The following TNFSF4 variants were observed in gnomAD, a reference collection of about 807,000 sequenced individuals.
The protein encoded by TNFSF4 is TNF superfamily member 4, also known as tumor necrosis factor ligand superfamily member 4.
In TNFSF4, 4 loss-of-function variants were observed where a neutral mutation model predicts 7.3. The observed-to-expected ratio is 0.55, with a 90% confidence interval of 0.27 to 1.25. The LOEUF is 1.25. Among genes scored for constraint, TNFSF4 ranks in the 50% most tolerant of loss-of-function variants. The pLI is 0.12. For synonymous variants in TNFSF4, 76 were observed against 83.7 expected (o/e 0.91, Z 0.50); for missense variants, 181 against 208.8 (o/e 0.87, Z 0.82).
chr1:173,235,598 G>A, the TNFSF4 span, among the ~76,000 whole-genome samples: 12 of 152,330 alleles, frequency 7.9e-5, no homozygotes, highest in East Asian at 1.5e-3. Context: ...CACATACTAC[G>A]CATGTGTTAA....
the TNFSF4 span, among the ~76,000 whole-genome samples, chr1:173,308,261 CTCTCTT>C: frequency 8.7e-6 from 1 of 115,534 alleles, no homozygotes; most frequent in Admixed American, 7.9e-5. Context: ...CCACTCCTCT[CTCTCTT>C]TCTCTCTCTC....
At chr1:173,176,404 T>G in the TNFSF4 span, among the ~76,000 whole-genome samples, 1 of 152,120 alleles carries the variant, frequency 6.6e-6, no homozygotes, top group South Asian at 2.1e-4. Flanking sequence ...GACTCTGAAA[T>G]CAAAACCGCA....
intron 1 of TNFSF4, among the ~76,000 whole-genome samples, chr1:173,193,616 T>C (rs1159942762): frequency 1.3e-5 from 2 of 152,170 alleles, no homozygotes; most frequent in Non-Finnish European, 2.9e-5. Flanking sequence ...AAGATTTTAA[T>C]ATTCCATTCC....
the TNFSF4 span, among the ~76,000 whole-genome samples, chr1:173,364,676 T>C: frequency 1.3e-5 from 2 of 152,068 alleles, no homozygotes; most frequent in East Asian, 1.9e-4. Context: ...AAACTAATTA[T>C]ATCACTTTAA....
the TNFSF4 span, among the ~76,000 whole-genome samples, chr1:173,426,985 C>T: frequency 1.9e-4 from 29 of 152,106 alleles, no homozygotes; most frequent in East Asian, 1.9e-4. Context: ...CAAAGAAAAA[C>T]GCCATGCAGG....
chr1:173,406,733 C>T, the TNFSF4 span, among the ~76,000 whole-genome samples: 1 of 152,140 alleles, frequency 6.6e-6, no homozygotes, highest in Non-Finnish European at 1.5e-5. Flanking sequence ...GATTGCCCTG[C>T]GACAGTCTCT....
the TNFSF4 span, among the ~76,000 whole-genome samples, chr1:173,422,033 C>A: frequency 6.6e-5 from 10 of 152,046 alleles, no homozygotes; most frequent in African/African-American, 2.4e-4. Context: ...ATGTTACAGT[C>A]CCACAGCTAT....
At chr1:173,444,428 A>G in the TNFSF4 span, among the ~76,000 whole-genome samples, 1 of 151,970 alleles carries the variant, frequency 6.6e-6, no homozygotes, top group Non-Finnish European at 1.5e-5. Flanking sequence ...AAAATGTTCT[A>G]ATATAAATTT....
chr1:173,334,865 C>A, the TNFSF4 span, among the ~76,000 whole-genome samples: 1 of 152,084 alleles, frequency 6.6e-6, no homozygotes, highest in Non-Finnish European at 1.5e-5. Flanking sequence ...AGACTTGTAA[C>A]TAGACTTAAA....
At chr1:173,433,932 T>C in the TNFSF4 span, among the ~76,000 whole-genome samples, 1 of 152,126 alleles carries the variant, frequency 6.6e-6, no homozygotes, top group African/African-American at 2.4e-5. Flanking sequence ...GGTGTCCTTA[T>C]AAGGGGGAAT....
At chr1:173,293,783 C>A in the TNFSF4 span, among the ~76,000 whole-genome samples, 2 of 151,936 alleles carry the variant, frequency 1.3e-5, no homozygotes, top group South Asian at 4.1e-4. Context: ...AAACAAATAA[C>A]CCTGTGAAAA....
chr1:173,204,861 T>A (rs1650108968), intron 1 of TNFSF4, among the ~76,000 whole-genome samples: 1 of 151,384 alleles, frequency 6.6e-6, no homozygotes, highest in African/African-American at 2.4e-5. Flanking sequence ...TCTCTCTCAA[T>A]CTCTCTGTCT....
the TNFSF4 span, among the ~76,000 whole-genome samples, chr1:173,383,800 C>G: frequency 6.6e-6 from 1 of 152,102 alleles, no homozygotes; most frequent in South Asian, 2.1e-4. Context: ...CAACCACTTC[C>G]CAGCTATGTT....
At chr1:173,220,668 T>A in the TNFSF4 span, among the ~76,000 whole-genome samples, 9 of 152,064 alleles carry the variant, frequency 5.9e-5, no homozygotes, top group Admixed American at 6.6e-5. Context: ...AGAAAGATGA[T>A]CCCTCTGCCA....
At chr1:173,313,906 C>T in the TNFSF4 span, among the ~76,000 whole-genome samples, 1 of 151,972 alleles carries the variant, frequency 6.6e-6, no homozygotes, top group African/African-American at 2.4e-5. Flanking sequence ...ATAATAGGGA[C>T]ATTTTGAATA....
At chr1:173,179,978 T>C (rs1180926962), downstream of TNFSF4, among the ~76,000 whole-genome samples, 3 of 152,210 alleles carry the variant, frequency 2.0e-5, no homozygotes, top group East Asian at 5.8e-4. Context: ...TTTCAGACCT[T>C]AACTTAAATG....
At chr1:173,274,176 T>C in the TNFSF4 span, among the ~76,000 whole-genome samples, 5 of 143,570 alleles carry the variant, frequency 3.5e-5, no homozygotes, top group Admixed American at 1.4e-4. Flanking sequence ...ATATAGTTTC[T>C]GTATTTTTCT....
chr1:173,214,329 C>A, the TNFSF4 span, among the ~76,000 whole-genome samples: 3 of 152,292 alleles, frequency 2.0e-5, no homozygotes, highest in African/African-American at 7.2e-5. Flanking sequence ...TGTTCTTAAA[C>A]TGTGTGTGAT....
At chr1:173,321,869 G>A in the TNFSF4 span, among the ~76,000 whole-genome samples, 1 of 152,154 alleles carries the variant, frequency 6.6e-6, no homozygotes, top group African/African-American at 2.4e-5. Context: ...CTTGGTAGGA[G>A]TGTAAATTAG....
Sources: allele counts gnomAD v4.1 joint callset (sites outside exome capture counted in the v4.1 genomes callset), GRCh38; gene constraint gnomAD v4.1.1; transcripts MANE v1.5; gene names NCBI Gene and HGNC (gene_info 2026-07-23, HGNC 2026-07-21).